The following CPEB2 variants were observed in gnomAD, a reference collection of about 807,000 sequenced individuals.
CPEB2 encodes cytoplasmic polyadenylation element-binding protein 2.
Under a neutral mutation model 93.6 loss-of-function variants are expected in CPEB2, and 56 were observed. The observed-to-expected ratio is 0.60, with a 90% CI of 0.48 to 0.75. CPEB2 has a LOEUF of 0.75. CPEB2 is among the 30% of genes least tolerant of loss of function. CPEB2 has a pLI of 0.00. For missense variants in CPEB2, 1,579 were observed against 1,395.1 expected, an observed-to-expected ratio of 1.13 and a Z score of -2.10; for synonymous variants, 764 against 586.3, an observed-to-expected ratio of 1.30 and a Z score of -4.38.
chr4:15,032,853 G>T (rs935415515), intron 4 of CPEB2, among the ~76,000 whole-genome samples: 1 of 152,024 alleles, frequency 6.6e-6, no homozygotes, highest in Non-Finnish European at 1.5e-5. Flanking sequence ...GCAAGACTAG[G>T]ATATGATAGA....
chr4:15,035,047 C>T (rs781474832), intron 5 of CPEB2, among the ~76,000 whole-genome samples: 8 of 152,020 alleles, frequency 5.3e-5, no homozygotes, highest in Non-Finnish European at 1.0e-4. Flanking sequence ...TCTCATAGTA[C>T]GTAGATCTAC....
chr4:15,023,975 T>A lies in CPEB2; in HGVS notation c.2125+6697T>A, dbSNP rs191494407. 3.2e-4 allele frequency among the ~76,000 whole-genome samples: 48 copies of A among 152,236 alleles called. No homozygotes were observed. The East Asian group carries it at 9.1e-3, about 29-fold the overall frequency. ...TCATAGATGAACCTTGTATGTTTTGTACTGTAATGTAACATTTTCTTTTTC... is the reference window on the plus strand; with the variant it reads ...TCATAGATGAACCTTGTATGTTTTGAACTGTAATGTAACATTTTCTTTTTC... On this transcript the variant is annotated intron_variant, in intron 4 of 11. Coordinates refer to ENST00000538197, the MANE Select transcript of CPEB2 (RefSeq NM_001177382.2).
At position 15,004,113 on chromosome 4, in the gene CPEB2, GAGCGGC is replaced by G. The variant is rs1560208354; in HGVS notation, c.1441_1446del (p.Ser481_Gly482del). 6.5e-7 allele frequency: 1 copy of G among 1,548,710 alleles called. No individual in the cohort carries two copies. On this transcript the variant is annotated inframe_deletion, in exon 1 of 12. Transcript: ENST00000538197. ...GCTGCACTGGGCTCAGCGTTCCGAC[GAGCGGC>G]GGCGGCGGCGGCGGCTTCGGCGGCC...
Position 15,004,022 on chromosome 4 carries a change from AC to A in CPEB2, c.1353del (p.Leu453CysfsTer5). 6.4e-7 allele frequency: 1 copy of A among 1,559,386 alleles called. No individual in the cohort carries two copies. The highest frequency in any genetic ancestry group is 8.7e-7 in the Non-Finnish European group (1 of 1,156,030). On this transcript the variant is annotated frameshift_variant, in exon 1 of 12. Transcript: ENST00000538197. LOFTEE classifies it high-confidence loss of function. ...PPSPDSENGFYPGLPSSMNPA... is the reference protein window; with the variant it reads ...PPSPDSENGFXPGLPSSMNPA... ...AGCCCCGACTCAGAGAACGGCTTCT[AC>A]CCCGGGCTGCCGTCGTCCATGAACC...
intron 4 of CPEB2, among the ~76,000 whole-genome samples, chr4:15,030,559 C>T (rs957719238): frequency 4.0e-5 from 6 of 151,848 alleles, no homozygotes; most frequent in Admixed American, 2.0e-4. Context: ...AGGTTTTTAG[C>T]GAAAGTACTT....
chr4:15,039,032 A>G (rs957772865), intron 5 of CPEB2, among the ~76,000 whole-genome samples: 4 of 152,194 alleles, frequency 2.6e-5, no homozygotes, highest in South Asian at 4.1e-4. Context: ...TTTCACTCCT[A>G]TCTGAGGAGA....
At chr4:15,046,475 C>T (rs925919157) in intron 6 of CPEB2, among the ~76,000 whole-genome samples, 18 of 152,216 alleles carry the variant, frequency 1.2e-4, no homozygotes, top group African/African-American at 4.3e-4. Context: ...ATCTGCCTGC[C>T]TCAGCCTCCC....
chr4:15,004,885 C>CAAGACTCTGTCTCGCA (rs1722581025), intron 1 of CPEB2: 1 of 152,248 alleles, frequency 6.6e-6, no homozygotes, highest in African/African-American at 2.4e-5. Context: ...CGGAGGAGCC[C>CAAGACTCTGTCTCGCA]AAGACTCTGT....
chr4:15,066,057 C>T, intron 11 of CPEB2, 96 bp from the exon 12 acceptor site: 1 of 1,042,152 alleles, frequency 9.6e-7, no homozygotes, highest in Non-Finnish European at 1.4e-6. Flanking sequence ...GCTTTTAATG[C>T]TGGTCCTTTT....
intron 7 of CPEB2, among the ~76,000 whole-genome samples, chr4:15,053,341 A>G (rs1311668853): frequency 6.6e-6 from 1 of 152,184 alleles, no homozygotes; most frequent in Admixed American, 6.5e-5. Flanking sequence ...TTAAGGATAA[A>G]TGTGCTCTTA....
At chr4:15,016,360 A>G (rs561047212) in intron 3 of CPEB2, among the ~76,000 whole-genome samples, 4 of 152,168 alleles carry the variant, frequency 2.6e-5, no homozygotes, top group Non-Finnish European at 5.9e-5. Context: ...TATGTATTGA[A>G]CAGAATACAG....
Position 15,066,421 on chromosome 4 carries a change from T to C in CPEB2, c.*41T>C. On this transcript the variant is annotated 3_prime_UTR_variant, in exon 12 of 12. Coordinates refer to ENST00000538197, the MANE Select transcript of CPEB2 (RefSeq NM_001177382.2). ...CTCTGTTTAACAAGGAAAGAAAGGG[T>C]GCATGTGGCTTACTGTGTCTGAAGA... is the stretch of plus-strand genomic sequence containing the variant. 1.4e-6 allele frequency: 2 copies of C among 1,405,338 alleles called. No homozygotes were observed. Among genetic ancestry groups the C allele is most frequent in the Non-Finnish European group, 2.0e-6 (2 of 1,011,128 alleles). The allele number at this position is 1,405,338 out of a possible 1,614,324, so 87.1% of individuals were successfully genotyped here. A position where few individuals can be genotyped will look rare whatever the true frequency, so the allele number is the denominator to read the frequency against.
intron 4 of CPEB2, among the ~76,000 whole-genome samples, chr4:15,028,982 C>G (rs960317876): frequency 2.0e-4 from 31 of 152,132 alleles, no homozygotes; most frequent in African/African-American, 6.7e-4. Context: ...ATACAGTTGT[C>G]ACTTGGTAAC....
chr4:15,003,295 T>A lies in CPEB2; in HGVS notation c.622T>A (p.Phe208Ile), dbSNP rs1454844990. 5 of 1,453,466 alleles carry A rather than the reference T, an allele frequency of 3.4e-6. No individual in the cohort carries two copies. Among genetic ancestry groups the A allele is most frequent in the East Asian group, 5.9e-5 (2 of 33,978 alleles). The allele number at this position is 1,453,466 out of a possible 1,614,324, so 90.0% of individuals were successfully genotyped here. A position where few individuals can be genotyped will look rare whatever the true frequency, so the allele number is the denominator to read the frequency against. ...TCCGCCGCTCCACTGCCCCGGTCGGTTCAGCCCGCCGCCGCCGCCAGCCGG... is the reference window on the plus strand; with the variant it reads ...TCCGCCGCTCCACTGCCCCGGTCGGATCAGCCCGCCGCCGCCGCCAGCCGG... Reference protein sequence around the residue: ...PPPPLHCPGRFSPPPPPAGPL... With the variant: ...PPPPLHCPGRISPPPPPAGPL... The change falls in exon 1 of 12, where the codon TTC becomes ATC. Residue 208 changes from phenylalanine to isoleucine, a missense_variant. Physicochemically the swap from Phe to Ile is conservative, Grantham distance 21. Around this residue, in one of 2 missense-constraint regions of CPEB2, gnomAD observed 1,411 missense variants for 1,056.0 expected, o/e 1.34. Transcript: ENST00000538197.
chr4:15,013,402 A>G (rs2643091), intron 3 of CPEB2, among the ~76,000 whole-genome samples: 21,399 of 152,014 alleles, frequency 0.14, 2,638 homozygotes, highest in South Asian at 0.32. Context: ...AAATAACCTT[A>G]TAGTAATAAA....
At chr4:15,052,119 A>G (rs990163511) in intron 6 of CPEB2, among the ~76,000 whole-genome samples, 3 of 151,438 alleles carry the variant, frequency 2.0e-5, no homozygotes, top group Non-Finnish European at 2.9e-5. Context: ...GTCCACATAC[A>G]TTAGGTTCTT....
chr4:15,047,999 A>G (rs140987842), intron 6 of CPEB2, among the ~76,000 whole-genome samples: 238 of 150,218 alleles, frequency 1.6e-3, no homozygotes, highest in African/African-American at 5.6e-3. Context: ...TGGTATTTCT[A>G]TTTTTGTCTG....
intron 5 of CPEB2, among the ~76,000 whole-genome samples, chr4:15,035,646 G>T (rs1001466107): frequency 2.6e-5 from 4 of 152,110 alleles, no homozygotes; most frequent in Non-Finnish European, 4.4e-5. Context: ...AACAAAGATG[G>T]CCCATTTTGT....
intron 3 of CPEB2, among the ~76,000 whole-genome samples, chr4:15,011,401 G>A (rs1300010388): frequency 6.6e-6 from 1 of 152,126 alleles, no homozygotes; most frequent in Non-Finnish European, 1.5e-5. Context: ...TGCCTGGCCA[G>A]TATATCTACA....
Sources: allele counts gnomAD v4.1 joint callset (sites outside exome capture counted in the v4.1 genomes callset), GRCh38; gene constraint gnomAD v4.1.1; regional missense constraint gnomAD v4.1.1; transcripts MANE v1.5; gene names NCBI Gene and HGNC (gene_info 2026-07-23, HGNC 2026-07-21).